Variants in POFUT2 observed in about 807,000 individuals in gnomAD.
The protein encoded by POFUT2 is GDP-fucose protein O-fucosyltransferase 2.
POFUT2 carries 30 observed loss-of-function variants against 55.0 expected under a neutral mutation model. The ratio of observed to expected loss-of-function variants is 0.55; its 90% confidence interval spans 0.41 to 0.74. POFUT2 has a LOEUF of 0.74. POFUT2 is among the 30% of genes least tolerant of loss of function. The probability of loss-of-function intolerance (pLI) is 0.00; values close to 1 mark genes in which losing one functional copy is unlikely to be tolerated. For synonymous variants in POFUT2, 267 were observed against 231.1 expected (o/e 1.16, Z -1.41); for missense variants, 524 against 562.6 (o/e 0.93, Z 0.69).
rs370576674 is a variant in POFUT2 at position 45,287,877 on chromosome 21, C to A, written c.-6G>T. Reference sequence around the variant, plus strand: ...ACGAAGCTGAGTGTCGCCATGGCCCCGGGCGGCCACGCACTTCCGGCGGCC... The same window carrying A: ...ACGAAGCTGAGTGTCGCCATGGCCCAGGGCGGCCACGCACTTCCGGCGGCC... On this transcript the variant is annotated 5_prime_UTR_variant, in exon 1 of 9. Transcript: ENST00000349485. 7.5e-7 allele frequency: 1 copy of A among 1,336,504 alleles called. No homozygotes were observed. Among genetic ancestry groups the A allele is most frequent in the Non-Finnish European group, 9.7e-7 (1 of 1,035,914 alleles). The allele number at this position is 1,336,504 out of a possible 1,614,324, so 82.8% of individuals were successfully genotyped here.
rs1300269298 is a variant in POFUT2, at chr21:45,277,008, G to C, written c.831+9C>G. The C allele has an allele frequency of 1.9e-6, 3 of 1,613,552 alleles. No homozygotes were observed. The highest frequency in any genetic ancestry group is 1.7e-5 in the Admixed American group (1 of 59,968). On this transcript the variant is annotated intron_variant, in intron 6 of 8. Transcript: ENST00000349485. The surrounding 1 kb of genome is among the most constrained non-coding windows in gnomAD (Gnocchi z 6.9). ...CTTTTCTCTAATTAACAAAAGGGAG[G>C]GGGGCTACCTTCATCTTCATCCAGT...
At chr21:45,268,807 G>C in intron 7 of POFUT2, among the ~76,000 whole-genome samples, 1 of 147,888 alleles carries the variant, frequency 6.8e-6, no homozygotes. Flanking sequence ...GTCCGGGAGG[G>C]AGGTGGGGGG....
chr21:45,267,438 T>C lies in POFUT2; in HGVS notation c.1136+152A>G. On this transcript the variant is annotated intron_variant, in intron 8 of 8. Coordinates refer to ENST00000349485, the MANE Select transcript of POFUT2 (RefSeq NM_133635.6). This position sits in a 1 kb window ranked among gnomAD's most constrained non-coding sequence, Gnocchi z 4.4. ...CAGCCCAGGGAAACACTGAACCAGA[T>C]GCTACAGGAGACTCAGACGAGGAGG... The C allele has an allele frequency of 6.2e-7, 1 of 1,612,898 alleles. No individual in the cohort carries two copies. Among genetic ancestry groups the C allele is most frequent in the Non-Finnish European group, 8.5e-7 (1 of 1,179,040 alleles).
chr21:45,282,229 GCTGT>G lies in POFUT2; in HGVS notation c.638+116_638+119del. On this transcript the variant is annotated intron_variant, in intron 4 of 8. Transcript: ENST00000349485. The surrounding 1 kb of genome is among the most constrained non-coding windows in gnomAD (Gnocchi z 4.6). ...CCACCCCCCAGGGCCCCCAGGGTCC[GCTGT>G]CTGTGAGGTGGGTGGGCCAGGGATG... 1 of 696,048 alleles carries G rather than the reference GCTGT, an allele frequency of 1.4e-6. No homozygotes were observed. The highest frequency in any genetic ancestry group is 1.8e-5 in the African/African-American group (1 of 56,072). The allele number at this position is 696,048 out of a possible 1,614,324, so 43.1% of individuals were successfully genotyped here.
rs2146529949 is a variant in POFUT2, at chr21:45,264,708, CGAGGGAGGGGT to C, written c.*763_*773del. The C allele has an allele frequency of 1.1e-5, 1 of 88,990 alleles. No homozygotes were observed. The highest frequency in any genetic ancestry group is 4.4e-5 in the African/African-American group (1 of 22,730). 5.5% of individuals were successfully genotyped at this position (88,990 alleles called of 1,614,324 possible). On this transcript the variant is annotated 3_prime_UTR_variant, in exon 9 of 9. Coordinates refer to ENST00000349485, the MANE Select transcript of POFUT2 (RefSeq NM_133635.6). ...TGAGGGTGGGGCGGGGCAGTCGGGG[CGAGGGAGGGGT>C]GGCCAGTGGGGGCGAGGGTGGGTGG... is the stretch of plus-strand genomic sequence containing the variant.
intron 4 of POFUT2, among the ~76,000 whole-genome samples, chr21:45,280,234 G>A (rs1251081186): frequency 3.3e-5 from 5 of 152,192 alleles, no homozygotes; most frequent in East Asian, 1.9e-4. Flanking sequence ...CTCTCCCTCC[G>A]ATGCACGGGA....
At chr21:45,273,221 T>C (rs183651509) in intron 6 of POFUT2, among the ~76,000 whole-genome samples, 309 of 152,206 alleles carry the variant, frequency 2.0e-3, no homozygotes, top group African/African-American at 4.2e-3. Context: ...GTCGATACCA[T>C]AGAAACACAA....
intron 7 of POFUT2, among the ~76,000 whole-genome samples, chr21:45,268,819 TCAGCCCTCCGCC>T (rs1238257586): frequency 7.8e-6 from 1 of 127,908 alleles, no homozygotes; most frequent in Non-Finnish European, 1.6e-5. Context: ...GGTGGGGGGG[TCAGCCCTCCGCC>T]CGGCCAGCCG....
intron 6 of POFUT2, among the ~76,000 whole-genome samples, chr21:45,272,060 C>A (rs2093223522): frequency 6.6e-6 from 1 of 152,040 alleles, no homozygotes; most frequent in Non-Finnish European, 1.5e-5. Flanking sequence ...CACCTCAATA[C>A]CAAAGTTGAA....
chr21:45,286,027 C>T lies in POFUT2; in HGVS notation c.132-99G>A. 4 of 1,059,590 alleles carry T rather than the reference C, an allele frequency of 3.8e-6. No homozygotes were observed. In the Admixed American group the frequency reaches 8.9e-5, roughly 23 times the overall value. 65.6% of individuals were successfully genotyped at this position (1,059,590 alleles called of 1,614,324 possible). On this transcript the variant is annotated intron_variant, in intron 1 of 8. Transcript: ENST00000349485. ...TCTCAGCGCGTGGCCCGACTCTAGG[C>T]ACTTAACAATGGTTCCTAGTTTGTG...
chr21:45,267,557 C>A lies in POFUT2; in HGVS notation c.1136+33G>T, dbSNP rs1203824312. On this transcript the variant is annotated intron_variant, in intron 8 of 8. Coordinates refer to ENST00000349485, the MANE Select transcript of POFUT2 (RefSeq NM_133635.6). The surrounding 1 kb of genome is among the most constrained non-coding windows in gnomAD (Gnocchi z 4.4). The stretch of plus-strand genomic sequence containing the variant: ...GAAGAACCTTTGAAAGCCACCCGAC[C>A]CGCTCTCGGCCGACAGTGACGTGGG... The A allele has an allele frequency of 1.9e-6, 3 of 1,614,156 alleles. No homozygotes were observed. Among genetic ancestry groups the A allele is most frequent in the African/African-American group, 1.3e-5 (1 of 75,058 alleles).
rs2146549440 is a variant in POFUT2, at chr21:45,267,930, A to G, written c.1013-217T>C. 6.6e-6 allele frequency among the ~76,000 whole-genome samples: 1 copy of G among 152,296 alleles called. No homozygotes were observed. The highest frequency in any genetic ancestry group is 2.1e-4 in the South Asian group (1 of 4,820). On this transcript the variant is annotated intron_variant, in intron 7 of 8. Coordinates refer to ENST00000349485, the MANE Select transcript of POFUT2 (RefSeq NM_133635.6). This position sits in a 1 kb window ranked among gnomAD's most constrained non-coding sequence, Gnocchi z 4.4. Reference sequence around the variant, plus strand: ...TCTGGGTAGTTCCAGGTCTACCCAGAACAGAACCAGGGATCAAGAAGAAAG... The same window carrying G: ...TCTGGGTAGTTCCAGGTCTACCCAGGACAGAACCAGGGATCAAGAAGAAAG...
chr21:45,280,557 G>A (rs1206963079), intron 4 of POFUT2, among the ~76,000 whole-genome samples: 1 of 152,146 alleles, frequency 6.6e-6, no homozygotes, highest in Non-Finnish European at 1.5e-5. Flanking sequence ...CTGTCCTCCC[G>A]ACAGCGGTTG....
chr21:45,278,530 G>C (rs914218), intron 4 of POFUT2, among the ~76,000 whole-genome samples: 45,284 of 152,110 alleles, frequency 0.3, 6,938 homozygotes, highest in East Asian at 0.44. Context: ...GTGGGGGAAG[G>C]TTTTCTTTGA....
In POFUT2 at chr21:45,268,273, G is replaced by A. The variant is rs140770168; in HGVS notation, c.1013-560C>T. Among the ~76,000 whole-genome samples the A allele has an allele frequency of 8.7e-3, 1,322 of 152,356 alleles. 18 individuals are homozygous for A. The highest frequency in any genetic ancestry group is 0.027 in the African/African-American group (1,141 of 41,586). On this transcript the variant is annotated intron_variant, in intron 7 of 8. Coordinates refer to ENST00000349485, the MANE Select transcript of POFUT2 (RefSeq NM_133635.6). ...GTGCTGGGATTGCAGACGGAGTCTC[G>A]TTCACTCAGTGCTCGATGGTGCCCA...
At position 45,282,820 on chromosome 21, in the gene POFUT2, C is replaced by T. The variant is rs2030855030; in HGVS notation, c.528-361G>A. 2.0e-6 allele frequency: 1 copy of T among 488,664 alleles called. No individual in the cohort carries two copies. Among genetic ancestry groups the T allele is most frequent in the African/African-American group, 2.0e-5 (1 of 50,852 alleles). The allele number at this position is 488,664 out of a possible 1,614,324, so 30.3% of individuals were successfully genotyped here. A position where few individuals can be genotyped will look rare whatever the true frequency, so the allele number is the denominator to read the frequency against. Reference sequence around the variant, plus strand: ...AGAGCTCACCTGCCATGCTTTAGAGCCAGCTGCCCTGGCACTGGACACATG... The same window carrying T: ...AGAGCTCACCTGCCATGCTTTAGAGTCAGCTGCCCTGGCACTGGACACATG... On this transcript the variant is annotated intron_variant, in intron 3 of 8. Transcript: ENST00000349485. This position sits in a 1 kb window ranked among gnomAD's most constrained non-coding sequence, Gnocchi z 4.6.
chr21:45,270,770 C>A lies in POFUT2; in HGVS notation c.832-751G>T, dbSNP rs550139575. On this transcript the variant is annotated intron_variant, in intron 6 of 8. Coordinates refer to ENST00000349485, the MANE Select transcript of POFUT2 (RefSeq NM_133635.6). The surrounding 1 kb of genome is among the most constrained non-coding windows in gnomAD (Gnocchi z 4.6). ...AGCAGCATCCCAGGGCCTGGTAGCC[C>A]CACTGGGTGGCTAGACCCAGAAGAG... 3.5e-4 allele frequency among the ~76,000 whole-genome samples: 54 copies of A among 152,370 alleles called. No individual in the cohort carries two copies. Among genetic ancestry groups the A allele is most frequent in the Admixed American group, 5.9e-4 (9 of 15,306 alleles).
rs1359091906 is a variant in POFUT2, at chr21:45,275,580, C to T, written c.831+1437G>A. Among the ~76,000 whole-genome samples, 9 of 152,178 alleles carry T rather than the reference C, an allele frequency of 5.9e-5. No homozygotes were observed. In the South Asian group the frequency reaches 6.2e-4, roughly 11 times the overall value. Reference sequence around the variant, plus strand: ...GTGGTACATCAGCCATAACAAGGAACGAAATGAATGCATTTGCAGCAACCT... The same window carrying T: ...GTGGTACATCAGCCATAACAAGGAATGAAATGAATGCATTTGCAGCAACCT... On this transcript the variant is annotated intron_variant, in intron 6 of 8. Transcript: ENST00000349485.
chr21:45,265,245 C>T lies in POFUT2; in HGVS notation c.*237G>A, dbSNP rs1569212870. On this transcript the variant is annotated 3_prime_UTR_variant, in exon 9 of 9. Coordinates refer to ENST00000349485, the MANE Select transcript of POFUT2 (RefSeq NM_133635.6). This position sits in a 1 kb window ranked among gnomAD's most constrained non-coding sequence, Gnocchi z 4.6. Reference sequence around the variant, plus strand: ...CGAGCTGTGGGTTCACAGACGCTGCCTGAAAACAACCGCCACCCCCGAGAG... The same window carrying T: ...CGAGCTGTGGGTTCACAGACGCTGCTTGAAAACAACCGCCACCCCCGAGAG... 5 of 404,958 alleles carry T rather than the reference C, an allele frequency of 1.2e-5. No individual in the cohort carries two copies. Among genetic ancestry groups the T allele is most frequent in the Admixed American group, 4.2e-5 (1 of 23,966 alleles). 25.1% of individuals were successfully genotyped at this position (404,958 alleles called of 1,614,324 possible).
Sources: allele counts gnomAD v4.1 joint callset (sites outside exome capture counted in the v4.1 genomes callset), GRCh38; gene constraint gnomAD v4.1.1; non-coding constraint Gnocchi (gnomAD v3.1); transcripts MANE v1.5; gene names NCBI Gene and HGNC (gene_info 2026-07-23, HGNC 2026-07-21).